CHSY3: variants seen among roughly 807,000 people sequenced by gnomAD.
CHSY3 encodes chondroitin sulfate synthase 3.
CHSY3 carries 35 observed loss-of-function variants against 67.2 expected under a neutral mutation model. The ratio of observed to expected loss-of-function variants is 0.52; its 90% CI spans 0.40 to 0.69. The LOEUF (loss-of-function observed/expected upper bound fraction) is 0.69. Ranked by LOEUF, CHSY3 falls within the 30% of genes least tolerant of loss-of-function variation. The pLI, the probability that CHSY3 is intolerant of heterozygous loss-of-function variation, is 0.00. For synonymous variants in CHSY3, 474 were observed against 434.7 expected, an observed-to-expected ratio of 1.09 and a Z score of -1.12; for missense variants, 1,069 against 1,138.5, an observed-to-expected ratio of 0.94 and a Z score of 0.88.
At chr5:130,103,491 T>A (rs1406852961) in intron 2 of CHSY3, among the ~76,000 whole-genome samples, 1 of 152,024 alleles carries the variant, frequency 6.6e-6, no homozygotes, top group Non-Finnish European at 1.5e-5. Context: ...GTTATAATTA[T>A]CTTCTTTTTA....
At chr5:130,129,225 G>A (rs1046428128) in intron 2 of CHSY3, among the ~76,000 whole-genome samples, 4 of 152,076 alleles carry the variant, frequency 2.6e-5, no homozygotes, top group African/African-American at 9.7e-5. Context: ...TAGCTTAGAT[G>A]GAAGGTCTCA....
chr5:130,152,085 T>A (rs1271543473), intron 2 of CHSY3, among the ~76,000 whole-genome samples: 1 of 152,188 alleles, frequency 6.6e-6, no homozygotes, highest in African/African-American at 2.4e-5. Context: ...TGGAGACACA[T>A]TTTAAAAATC....
At chr5:129,931,246 G>T (rs1364253243) in intron 2 of CHSY3, among the ~76,000 whole-genome samples, 2 of 152,004 alleles carry the variant, frequency 1.3e-5, no homozygotes, top group African/African-American at 4.8e-5. Context: ...TCCTCATCTT[G>T]TTTCATGGAT....
chr5:130,071,536 A>ATT (rs1766065951), intron 2 of CHSY3, among the ~76,000 whole-genome samples: 1 of 81,748 alleles, frequency 1.2e-5, no homozygotes, highest in African/African-American at 6.0e-5. Context: ...ATAGTAGTTC[A>ATT]TTGTGTGTGT....
intron 2 of CHSY3, among the ~76,000 whole-genome samples, chr5:130,178,088 A>G (rs997794046): frequency 3.3e-5 from 5 of 149,294 alleles, no homozygotes; most frequent in African/African-American, 1.2e-4. Context: ...ATGTGTGATT[A>G]TGTGTGGATA....
intron 2 of CHSY3, among the ~76,000 whole-genome samples, chr5:130,143,784 G>GTGTATA (rs1179526892): frequency 2.6e-4 from 19 of 73,826 alleles, no homozygotes; most frequent in African/African-American, 8.6e-4. Context: ...ATATATATGT[G>GTGTATA]TATATATATA....
At chr5:129,927,684 G>T (rs1278589131) in intron 2 of CHSY3, among the ~76,000 whole-genome samples, 2 of 151,972 alleles carry the variant, frequency 1.3e-5, no homozygotes, top group Non-Finnish European at 2.9e-5. Context: ...GTGTAAATAA[G>T]TAATAATACT....
chr5:130,179,521 GTTTA>G (rs919682128), intron 2 of CHSY3, among the ~76,000 whole-genome samples: 2 of 151,966 alleles, frequency 1.3e-5, no homozygotes, highest in Non-Finnish European at 2.9e-5. Flanking sequence ...CTGTGATAGA[GTTTA>G]TTTTTTAATC....
chr5:130,002,712 A>G (rs1158454563), intron 2 of CHSY3, among the ~76,000 whole-genome samples: 2 of 152,222 alleles, frequency 1.3e-5, no homozygotes, highest in Non-Finnish European at 2.9e-5. Context: ...TTGTTCCACT[A>G]TAGTAAACAT....
chr5:130,139,901 T>A (rs1024360891), intron 2 of CHSY3: 1 of 152,260 alleles, frequency 6.6e-6, no homozygotes, highest in African/African-American at 2.4e-5. Flanking sequence ...TAAGTTTGGC[T>A]ATCAAGTCAA....
intron 2 of CHSY3, among the ~76,000 whole-genome samples, chr5:129,953,411 G>A (rs1469910725): frequency 4.6e-5 from 7 of 152,062 alleles, no homozygotes; most frequent in Non-Finnish European, 8.8e-5. Flanking sequence ...CCAAGTCTTT[G>A]CTATTGTGAA....
intron 2 of CHSY3, among the ~76,000 whole-genome samples, chr5:130,059,329 A>G (rs1165050009): frequency 6.6e-6 from 1 of 152,030 alleles, no homozygotes; most frequent in East Asian, 1.9e-4. Context: ...ATTTCAGACC[A>G]GCACTTAGAG....
intron 2 of CHSY3, among the ~76,000 whole-genome samples, chr5:130,074,159 C>T (rs749770024): frequency 1.2e-4 from 18 of 152,176 alleles, no homozygotes; most frequent in South Asian, 2.1e-4. Context: ...CAACCTCCTC[C>T]TTCCAGGTTC....
chr5:130,081,104 G>A (rs2149686614), intron 2 of CHSY3, among the ~76,000 whole-genome samples: 1 of 152,230 alleles, frequency 6.6e-6, no homozygotes, highest in Admixed American at 6.5e-5. Context: ...GCAGGCAATG[G>A]TTTGTGACAA....
At chr5:130,032,683 GT>G (rs1561506183) in intron 2 of CHSY3, among the ~76,000 whole-genome samples, 2 of 152,138 alleles carry the variant, frequency 1.3e-5, no homozygotes, top group Non-Finnish European at 2.9e-5. Context: ...GAGTACCCAG[GT>G]TAGACATACG....
chr5:130,185,410 CGGG>C lies in CHSY3; in HGVS notation c.2271_2273del (p.Gly758del), dbSNP rs754465787. The C allele has an allele frequency of 8.7e-6, 14 of 1,613,008 alleles. No homozygotes were observed. Among genetic ancestry groups the C allele is most frequent in the Non-Finnish European group, 1.1e-5 (13 of 1,179,138 alleles). On this transcript the variant is annotated inframe_deletion, in exon 3 of 3. Coordinates refer to ENST00000305031, the MANE Select transcript of CHSY3 (RefSeq NM_175856.5). The stretch of plus-strand genomic sequence containing the variant: ...GCCAGTATGACCCAAAGGTAACAAA[CGGG>C]GGAAATCCTCCCACTGATGATTACT...
At chr5:129,968,422 C>T (rs1392908150) in intron 2 of CHSY3, among the ~76,000 whole-genome samples, 2 of 151,764 alleles carry the variant, frequency 1.3e-5, no homozygotes, top group Non-Finnish European at 2.9e-5. Flanking sequence ...TTTATTAATG[C>T]AATTCAGCAA....
In CHSY3 at chr5:130,160,789, C is replaced by A. The variant is rs144720257; in HGVS notation, c.1087-23440C>A. ...TCAGTGGAGGATGAGGGGTGTGTGA[C>A]CAGTAAAGGGGTTTCACTACAACTA... On this transcript the variant is annotated intron_variant, in intron 2 of 2. Coordinates refer to ENST00000305031, the MANE Select transcript of CHSY3 (RefSeq NM_175856.5). Among the ~76,000 whole-genome samples the A allele has an allele frequency of 3.2e-3, 493 of 152,088 alleles. 4 individuals are homozygous for A. Among genetic ancestry groups the A allele is most frequent in the African/African-American group, 0.011 (460 of 41,468 alleles).
chr5:129,984,276 T>C (rs761327611), intron 2 of CHSY3, among the ~76,000 whole-genome samples: 33 of 152,092 alleles, frequency 2.2e-4, no homozygotes, highest in Non-Finnish European at 8.8e-5. Context: ...TTAAAACATG[T>C]GGTACTTGGT....
Sources: gnomAD v4.1 joint callset for allele counts (sites outside exome capture counted in the v4.1 genomes callset) on GRCh38, gnomAD v4.1.1 for gene constraint, MANE v1.5 for transcripts, NCBI Gene and HGNC (gene_info 2026-07-23, HGNC 2026-07-21) for gene names.